The following DIP2B variants were observed in gnomAD, a reference collection of about 807,000 sequenced individuals.
DIP2B encodes disco-interacting protein 2 homolog B.
A neutral mutation model predicts 198.0 loss-of-function variants in DIP2B; 76 were observed. The observed-to-expected ratio is 0.38, with a 90% CI of 0.32 to 0.46. DIP2B has a LOEUF of 0.46. DIP2B is among the 20% of genes least tolerant of loss of function. DIP2B has a pLI of 0.99. For synonymous variants in DIP2B, 701 were observed against 739.1 expected, an observed-to-expected ratio of 0.95 and a Z score of 0.84; for missense variants, 1,559 against 1,978.4, an observed-to-expected ratio of 0.79 and a Z score of 4.02.
intron 1 of DIP2B, among the ~76,000 whole-genome samples, chr12:50,549,521 T>C (rs189893695): frequency 5.3e-5 from 8 of 150,184 alleles, no homozygotes; most frequent in African/African-American, 2.0e-4. Context: ...AGAGCAAGAC[T>C]CTTGTCTCAA....
At chr12:50,699,298 G>C (rs1258906649) in intron 19 of DIP2B, 96 bp downstream of exon 19, 2 of 1,527,480 alleles carry the variant, frequency 1.3e-6, no homozygotes, top group African/African-American at 2.7e-5. Flanking sequence ...CATAACATGT[G>C]GTTGAGAGTG....
intron 1 of DIP2B, among the ~76,000 whole-genome samples, chr12:50,591,970 C>A (rs924093053): frequency 6.6e-6 from 1 of 151,316 alleles, no homozygotes; most frequent in Non-Finnish European, 1.5e-5. Flanking sequence ...CTCTGCCTCC[C>A]GGGTTCAAGT....
In DIP2B at chr12:50,600,889, C is replaced by T. The variant is rs566149239; in HGVS notation, c.101-25087C>T. ...GTCTTACCACCATCACCACCATGAC[C>T]ACCATCACCACCACCACCACCACCA... is the stretch of plus-strand genomic sequence containing the variant. On this transcript the variant is annotated intron_variant, in intron 1 of 37. Transcript: ENST00000301180. Among the ~76,000 whole-genome samples the T allele has an allele frequency of 1.8e-4, 26 of 144,752 alleles. No homozygotes were observed. The East Asian group carries it at 4.9e-3, about 27-fold the overall frequency. 95.0% of individuals were successfully genotyped at this position (144,752 alleles called of 152,430 possible).
intron 1 of DIP2B, among the ~76,000 whole-genome samples, chr12:50,543,944 A>AAG (rs71083596): frequency 1.4e-5 from 2 of 146,458 alleles, no homozygotes; most frequent in Non-Finnish European, 3.0e-5. Context: ...AAAAAAAAAA[A>AAG]GGAGGCTGGG....
chr12:50,584,205 T>A (rs1013414378), intron 1 of DIP2B, among the ~76,000 whole-genome samples: 2 of 152,230 alleles, frequency 1.3e-5, no homozygotes, highest in Admixed American at 6.5e-5. Context: ...CACCTTGATA[T>A]CAGTAACCTG....
intron 10 of DIP2B, among the ~76,000 whole-genome samples, chr12:50,684,056 T>G (rs1247659821): frequency 2.0e-5 from 3 of 152,118 alleles, no homozygotes; most frequent in Admixed American, 6.6e-5. Flanking sequence ...GAGGCTGCAG[T>G]GACCTGTGAT....
chr12:50,505,324 C>A (rs1957957423), intron 1 of DIP2B, 84 bp downstream of exon 1: 13 of 1,155,632 alleles, frequency 1.1e-5, no homozygotes, highest in Non-Finnish European at 1.5e-5. Flanking sequence ...CGCGCTCTGG[C>A]GGCCGTGCGG....
At position 50,640,820 on chromosome 12, in the gene DIP2B, C is replaced by G. The variant is rs1323845289; in HGVS notation, c.269C>G (p.Ser90Cys). The change falls in exon 3 of 38, where the codon TCT (serine) becomes TGT (cysteine). Residue 90 changes from serine (S) to cysteine (C), a missense_variant. By Grantham distance (112) the Ser-to-Cys change is moderately radical. Transcript: ENST00000301180. Reference protein sequence around the residue: ...SAPSKYHRTRSGGARDERYRS... With the variant: ...SAPSKYHRTRCGGARDERYRS... The stretch of plus-strand genomic sequence containing the variant: ...CCCTCTAAGTACCACCGAACTCGAT[C>G]TGGGGGAGCCAGGGATGAACGATAT... The G allele has an allele frequency of 6.2e-7, 1 of 1,613,882 alleles. No homozygotes were observed. Among genetic ancestry groups the G allele is most frequent in the African/African-American group, 1.3e-5 (1 of 74,924 alleles).
chr12:50,724,959 G>T, intron 28 of DIP2B, 73 bp downstream of exon 28: 1 of 1,456,518 alleles, frequency 6.9e-7, no homozygotes. Flanking sequence ...CCATTCTCAT[G>T]CCAGACGTGT....
chr12:50,699,091 T>C lies in DIP2B; in HGVS notation c.2214T>C (p.Asp738=), dbSNP rs1428244097. The C allele has an allele frequency of 9.9e-6, 16 of 1,614,212 alleles. No individual in the cohort carries two copies. Among genetic ancestry groups the C allele is most frequent in the Non-Finnish European group, 1.4e-5 (16 of 1,180,024 alleles). Residue 738 remains aspartate, a synonymous_variant, in exon 19 of 38, where the codon GAT becomes GAC. Transcript: ENST00000301180. The part of the protein sequence containing the change: ...PGGMMCIVKP[D]GPPQLCKTDE... ...GGATGATGTGCATTGTGAAACCAGATGGACCTCCCCAGCTCTGCAAAACAG... is the reference window on the plus strand; with the variant it reads ...GGATGATGTGCATTGTGAAACCAGACGGACCTCCCCAGCTCTGCAAAACAG...
chr12:50,674,399 A>G (rs1938908590), intron 5 of DIP2B, 75 bp from the exon 6 acceptor site: 1 of 1,554,102 alleles, frequency 6.4e-7, no homozygotes, highest in African/African-American at 1.4e-5. Flanking sequence ...CCTTGTTAAA[A>G]AACAAAACCC....
chr12:50,544,607 C>T (rs932172852), intron 1 of DIP2B, among the ~76,000 whole-genome samples: 3 of 142,538 alleles, frequency 2.1e-5, no homozygotes, highest in Non-Finnish European at 3.0e-5. Context: ...CACCTGGCCT[C>T]AGATAACTTT....
chr12:50,731,608 C>T, intron 31 of DIP2B, 71 bp downstream of exon 31: 1 of 1,511,122 alleles, frequency 6.6e-7, no homozygotes, highest in Non-Finnish European at 8.9e-7. Flanking sequence ...GTAACAGGGC[C>T]AGAGCAGGGG....
intron 1 of DIP2B, among the ~76,000 whole-genome samples, chr12:50,540,287 A>G (rs1237241437): frequency 2.2e-5 from 3 of 135,170 alleles, no homozygotes; most frequent in Non-Finnish European, 1.7e-5. Flanking sequence ...TTTTTTGTAT[A>G]TTTAGTAGAG....
intron 2 of DIP2B, among the ~76,000 whole-genome samples, chr12:50,638,564 T>G (rs1482308700): frequency 6.6e-6 from 1 of 152,244 alleles, no homozygotes; most frequent in African/African-American, 2.4e-5. Flanking sequence ...AGTTTCATCT[T>G]TGCTTTTAGC....
chr12:50,517,322 G>A (rs752306187), intron 1 of DIP2B, among the ~76,000 whole-genome samples: 30 of 151,846 alleles, frequency 2.0e-4, no homozygotes, highest in Admixed American at 3.9e-4. Context: ...TGATCCACCC[G>A]TCTTGACCTC....
chr12:50,623,716 C>T (rs1043378086), intron 1 of DIP2B, among the ~76,000 whole-genome samples: 2 of 152,110 alleles, frequency 1.3e-5, no homozygotes, highest in Non-Finnish European at 2.9e-5. Context: ...TAATGTATTA[C>T]ATCTCCTGTG....
At chr12:50,556,482 CTAATAG>C (rs1958472200) in intron 1 of DIP2B, among the ~76,000 whole-genome samples, 1 of 151,952 alleles carries the variant, frequency 6.6e-6, no homozygotes, top group East Asian at 1.9e-4. Flanking sequence ...ATAAATATTA[CTAATAG>C]TAAAACAGCC....
intron 1 of DIP2B, among the ~76,000 whole-genome samples, chr12:50,570,999 TC>T (rs1257180602): frequency 1.3e-5 from 2 of 152,162 alleles, no homozygotes; most frequent in Non-Finnish European, 2.9e-5. Context: ...GAGCTTATAG[TC>T]TAATCAAGAA....
Sources: gnomAD v4.1 joint callset for allele counts (sites outside exome capture counted in the v4.1 genomes callset) on GRCh38, gnomAD v4.1.1 for gene constraint, MANE v1.5 for transcripts, NCBI Gene and HGNC (gene_info 2026-07-23, HGNC 2026-07-21) for gene names.